SLC24A2: variants seen among roughly 807,000 people sequenced by gnomAD.
SLC24A2 encodes the protein sodium/potassium/calcium exchanger 2.
In SLC24A2, 36 loss-of-function variants were observed where a neutral mutation model predicts 62.0. The observed-to-expected ratio is 0.58, with a 90% confidence interval of 0.44 to 0.77. The LOEUF (loss-of-function observed/expected upper bound fraction) is 0.77. Ranked by LOEUF, SLC24A2 falls within the 30% of genes least tolerant of loss-of-function variation. The pLI is 0.00. For synonymous variants in SLC24A2, 358 were observed against 294.0 expected, an observed-to-expected ratio of 1.22 and a Z score of -2.23; for missense variants, 846 against 817.9, an observed-to-expected ratio of 1.03 and a Z score of -0.42.
the SLC24A2 span, among the ~76,000 whole-genome samples, chr9:20,165,820 T>C: frequency 6.6e-6 from 1 of 151,692 alleles, no homozygotes; most frequent in Non-Finnish European, 1.5e-5. Flanking sequence ...GGTTTTTGCA[T>C]AAAAAATAAA....
At chr9:19,593,598 T>C (rs1836619363) in intron 5 of SLC24A2, among the ~76,000 whole-genome samples, 1 of 152,176 alleles carries the variant, frequency 6.6e-6, no homozygotes. Context: ...AAATGCTTTC[T>C]TCAATAGCTC....
chr9:19,972,989 A>T, the SLC24A2 span, among the ~76,000 whole-genome samples: 1 of 152,136 alleles, frequency 6.6e-6, no homozygotes, highest in African/African-American at 2.4e-5. Context: ...GGATGATGGG[A>T]TCTTTCAACT....
At chr9:19,671,443 G>C (rs1160123183) in intron 2 of SLC24A2, among the ~76,000 whole-genome samples, 1 of 151,560 alleles carries the variant, frequency 6.6e-6, no homozygotes, top group African/African-American at 2.4e-5. Context: ...ATCAGGTCTA[G>C]GAGCTTGTTG....
the SLC24A2 span, among the ~76,000 whole-genome samples, chr9:19,846,263 C>A: frequency 6.6e-6 from 1 of 152,092 alleles, no homozygotes; most frequent in Non-Finnish European, 1.5e-5. Flanking sequence ...ATTTTATGAA[C>A]CCAAGTATGC....
At chr9:19,820,468 A>G in the SLC24A2 span, among the ~76,000 whole-genome samples, 1 of 151,684 alleles carries the variant, frequency 6.6e-6, no homozygotes, top group African/African-American at 2.4e-5. Context: ...AAATTTTAAA[A>G]AAGAACTTAC....
chr9:20,233,450 T>C, the SLC24A2 span, among the ~76,000 whole-genome samples: 1 of 152,234 alleles, frequency 6.6e-6, no homozygotes, highest in Non-Finnish European at 1.5e-5. Context: ...TTAGCTCTTC[T>C]TGTTTAATTG....
At chr9:19,805,410 A>G in the SLC24A2 span, among the ~76,000 whole-genome samples, 1 of 152,218 alleles carries the variant, frequency 6.6e-6, no homozygotes, top group Non-Finnish European at 1.5e-5. Context: ...CTAACAATAA[A>G]TTTACCCAAC....
At chr9:20,185,581 C>T in the SLC24A2 span, among the ~76,000 whole-genome samples, 22 of 149,718 alleles carry the variant, frequency 1.5e-4, no homozygotes, top group Non-Finnish European at 2.5e-4. Flanking sequence ...AGGAGAATGG[C>T]GTGAACCCGG....
intron 4 of SLC24A2, among the ~76,000 whole-genome samples, chr9:19,602,029 G>T (rs1836855649): frequency 1.3e-5 from 2 of 152,190 alleles, no homozygotes; most frequent in African/African-American, 4.8e-5. Context: ...TTGGTATCAA[G>T]AGACCTTATC....
chr9:20,085,251 A>T, the SLC24A2 span, among the ~76,000 whole-genome samples: 4 of 152,202 alleles, frequency 2.6e-5, no homozygotes, highest in African/African-American at 9.7e-5. Context: ...CTCCTGCCTC[A>T]GCCTCCCAAA....
intron 7 of SLC24A2, among the ~76,000 whole-genome samples, chr9:19,562,710 C>A (rs1190647841): frequency 1.3e-5 from 2 of 152,146 alleles, no homozygotes; most frequent in Non-Finnish European, 2.9e-5. Context: ...AAAAAAATCC[C>A]TAATTTTTGC....
chr9:19,563,566 T>G (rs1417530097), intron 7 of SLC24A2, among the ~76,000 whole-genome samples: 1 of 152,148 alleles, frequency 6.6e-6, no homozygotes, highest in Non-Finnish European at 1.5e-5. Context: ...AGAGCTAACA[T>G]TTTTTGACCA....
At chr9:19,528,401 T>C (rs1416036050) in intron 8 of SLC24A2, among the ~76,000 whole-genome samples, 1 of 152,222 alleles carries the variant, frequency 6.6e-6, no homozygotes, top group East Asian at 1.9e-4. Flanking sequence ...TGTTAGTTCC[T>C]GCTATTAGAT....
the SLC24A2 span, among the ~76,000 whole-genome samples, chr9:20,164,686 T>C: frequency 1.3e-5 from 2 of 151,944 alleles, no homozygotes; most frequent in African/African-American, 4.8e-5. Flanking sequence ...CATGCACACC[T>C]ATGTTTATTG....
At chr9:20,046,025 C>A in the SLC24A2 span, among the ~76,000 whole-genome samples, 15 of 152,338 alleles carry the variant, frequency 9.8e-5, no homozygotes, top group South Asian at 2.9e-3. Context: ...GCTGGCCAGG[C>A]TCCTAGCTGC....
At chr9:19,833,760 G>C in the SLC24A2 span, among the ~76,000 whole-genome samples, 1 of 152,248 alleles carries the variant, frequency 6.6e-6, no homozygotes, top group East Asian at 1.9e-4. Context: ...TGAGATCTGA[G>C]AATAGGCAGA....
chr9:19,946,823 G>A, the SLC24A2 span, among the ~76,000 whole-genome samples: 6 of 152,180 alleles, frequency 3.9e-5, no homozygotes, highest in African/African-American at 1.4e-4. Context: ...CTCAGTTTCT[G>A]CCCAGTTAAT....
the SLC24A2 span, among the ~76,000 whole-genome samples, chr9:19,944,931 G>A: frequency 6.6e-6 from 1 of 152,134 alleles, no homozygotes; most frequent in East Asian, 1.9e-4. Flanking sequence ...CCTAACTTCT[G>A]TTTGATTCAC....
chr9:20,003,407 A>G, the SLC24A2 span, among the ~76,000 whole-genome samples: 1 of 152,162 alleles, frequency 6.6e-6, no homozygotes, highest in Non-Finnish European at 1.5e-5. Context: ...TCGTCTTATG[A>G]GATTTGATTT....
Sources: gnomAD v4.1 joint callset for allele counts (sites outside exome capture counted in the v4.1 genomes callset) on GRCh38, gnomAD v4.1.1 for gene constraint, MANE v1.5 for transcripts, NCBI Gene and HGNC (gene_info 2026-07-23, HGNC 2026-07-21) for gene names.